STAP1: variants seen among roughly 807,000 people sequenced by gnomAD.
STAP1 encodes signal transducing adaptor family member 1.
In STAP1, 30 loss-of-function variants were observed where a neutral mutation model predicts 37.8. The observed-to-expected ratio is 0.79, with a 90% confidence interval of 0.59 to 1.08. The LOEUF is 1.08. Ranked by LOEUF, STAP1 falls within the 50% of genes least tolerant of loss-of-function variation. STAP1 has a pLI of 0.00. For missense variants in STAP1, 357 were observed against 349.4 expected (o/e 1.02, Z -0.17); for synonymous variants, 130 against 116.0 (o/e 1.12, Z -0.78).
At chr4:67,601,142 T>C (rs897930476) in intron 8 of STAP1, among the ~76,000 whole-genome samples, 8 of 152,204 alleles carry the variant, frequency 5.3e-5, no homozygotes, top group African/African-American at 1.9e-4. Context: ...TGTAGGTTTT[T>C]TAAATTTGAA....
chr4:67,605,956 T>G (rs1030191921), intron 8 of STAP1, among the ~76,000 whole-genome samples: 2 of 152,114 alleles, frequency 1.3e-5, no homozygotes, highest in Non-Finnish European at 2.9e-5. Context: ...AGCATTTGGC[T>G]CTCTCTTACA....
chr4:67,581,796 A>G (rs1219978785), intron 5 of STAP1, among the ~76,000 whole-genome samples: 2 of 152,238 alleles, frequency 1.3e-5, no homozygotes, highest in Non-Finnish European at 2.9e-5. Context: ...TGCAAACTCT[A>G]TGATTGACTG....
rs746232810 is a variant in STAP1, at chr4:67,590,847, A to G, written c.660-37A>G. ...CTTTAGTTTGCATTTACCCAATTGT[A>G]TAATAAAATGGAGACTAACCATTTG... On this transcript the variant is annotated intron_variant, in intron 6 of 8. Transcript: ENST00000265404. 2.7e-6 allele frequency: 4 copies of G among 1,484,002 alleles called. No individual in the cohort carries two copies. In the African/African-American group the frequency reaches 5.7e-5, roughly 21 times the overall value. The allele number at this position is 1,484,002 out of a possible 1,614,324, so 91.9% of individuals were successfully genotyped here. A position where few individuals can be genotyped will look rare whatever the true frequency, so the allele number is the denominator to read the frequency against.
Position 67,602,199 on chromosome 4 carries a change from TA to T in STAP1, c.827-4096del, listed in dbSNP as rs1476608872. The stretch of plus-strand genomic sequence containing the variant: ...GAATTTCTGCTTGACTTTAAAAAAT[TA>T]TTTCAATCTCTTTGTTAAATTATGT... On this transcript the variant is annotated intron_variant, in intron 8 of 8. Coordinates refer to ENST00000265404, the MANE Select transcript of STAP1 (RefSeq NM_012108.4). Among the ~76,000 whole-genome samples the T allele has an allele frequency of 1.3e-5, 2 of 152,048 alleles. 1 individual carries two copies. The highest frequency in any genetic ancestry group is 4.8e-5 in the African/African-American group (2 of 41,400).
intron 2 of STAP1, among the ~76,000 whole-genome samples, chr4:67,574,653 G>A (rs148676921): frequency 1.3e-5 from 2 of 152,216 alleles, no homozygotes; most frequent in East Asian, 3.9e-4. Flanking sequence ...TCTGGATGAT[G>A]GGCCAAATCT....
At chr4:67,580,550 A>T (rs1262127645) in intron 4 of STAP1, among the ~76,000 whole-genome samples, 1 of 152,240 alleles carries the variant, frequency 6.6e-6, no homozygotes, top group African/African-American at 2.4e-5. Context: ...GATAAAGGTG[A>T]TAATCACACA....
intron 8 of STAP1, among the ~76,000 whole-genome samples, chr4:67,605,658 C>T (rs937573884): frequency 6.6e-6 from 1 of 152,084 alleles, no homozygotes; most frequent in Non-Finnish European, 1.5e-5. Flanking sequence ...TGGAAAAGTA[C>T]ATGACAATGA....
intron 6 of STAP1, among the ~76,000 whole-genome samples, chr4:67,584,091 C>T (rs1442065925): frequency 1.1e-5 from 1 of 87,776 alleles, no homozygotes; most frequent in Non-Finnish European, 2.1e-5. Context: ...GAGTGAGACT[C>T]GGTCTCGAAA....
At chr4:67,603,173 C>A (rs1379635300) in intron 8 of STAP1, among the ~76,000 whole-genome samples, 1 of 152,038 alleles carries the variant, frequency 6.6e-6, no homozygotes, top group Non-Finnish European at 1.5e-5. Context: ...AGTCCTGTGG[C>A]AAGTACTGCC....
intron 6 of STAP1, among the ~76,000 whole-genome samples, chr4:67,588,849 A>G (rs1728058708): frequency 6.6e-6 from 1 of 152,236 alleles, no homozygotes; most frequent in African/African-American, 2.4e-5. Flanking sequence ...CATGTTTTAC[A>G]AATGAAGAGG....
intron 8 of STAP1, 51 bp downstream of exon 8, chr4:67,593,407 C>A: frequency 7.5e-7 from 1 of 1,341,360 alleles, no homozygotes; most frequent in Non-Finnish European, 1.0e-6. Flanking sequence ...CAAAACAAAA[C>A]AAAATCCCCA....
At chr4:67,563,609 G>GGGA (rs1382467717) in intron 1 of STAP1, among the ~76,000 whole-genome samples, 1 of 152,132 alleles carries the variant, frequency 6.6e-6, no homozygotes, top group Non-Finnish European at 1.5e-5. Flanking sequence ...AGGCTGAAGT[G>GGGA]GGAGGATCAC....
rs1209811915 is a variant in STAP1, at chr4:67,584,853, A to G, written c.659+1151A>G. ...GGACAAGGGTTTTACTTTGAATGAC[A>G]TGAGAGGCCACTGAACTGTTGTCAT... On this transcript the variant is annotated intron_variant, in intron 6 of 8. Coordinates refer to ENST00000265404, the MANE Select transcript of STAP1 (RefSeq NM_012108.4). Among the ~76,000 whole-genome samples the G allele has an allele frequency of 3.9e-5, 6 of 152,330 alleles. No homozygotes were observed. The East Asian group carries it at 9.6e-4, about 24-fold the overall frequency.
intron 3 of STAP1, among the ~76,000 whole-genome samples, chr4:67,576,383 A>G (rs890097529): frequency 5.3e-5 from 8 of 151,868 alleles, no homozygotes; most frequent in South Asian, 2.1e-4. Flanking sequence ...TTCGTTCCCT[A>G]ATATAAACCA....
rs1727912009 is a variant in STAP1, at chr4:67,583,575, T to A, written c.532T>A (p.Cys178Ser). Reference sequence around the variant, plus strand: ...TGTTTTTTTATCTCACCTCTGTAGATGTTTTTATACAGTGTCCCGGAAAGA... The same window carrying A: ...TGTTTTTTTATCTCACCTCTGTAGAAGTTTTTATACAGTGTCCCGGAAAGA... The part of the protein sequence containing the change: ...YVDVLNPMPA[C>S]FYTVSRKEAT... Residue 178 changes from cysteine to serine, a missense_variant and splice_region_variant, in exon 6 of 9, where the codon TGT becomes AGT. Cys to Ser is a moderately radical substitution (Grantham distance 112). Coordinates refer to ENST00000265404, the MANE Select transcript of STAP1 (RefSeq NM_012108.4). 6.2e-7 allele frequency: 1 copy of A among 1,605,166 alleles called. No individual in the cohort carries two copies. Among genetic ancestry groups the A allele is most frequent in the South Asian group, 1.1e-5 (1 of 88,944 alleles).
chr4:67,606,576 ACCT>A lies in STAP1; in HGVS notation c.*220_*222del. The A allele has an allele frequency of 2.2e-6, 1 of 460,744 alleles. No homozygotes were observed. The highest frequency in any genetic ancestry group is 3.8e-6 in the Non-Finnish European group (1 of 261,946). The allele number at this position is 460,744 out of a possible 1,614,324, so 28.5% of individuals were successfully genotyped here. ...ACTAGAGACTACGGCTGTGGTGGTA[ACCT>A]GCAGATATACACATTCCCATGCACT... is the stretch of plus-strand genomic sequence containing the variant. On this transcript the variant is annotated 3_prime_UTR_variant, in exon 9 of 9. Transcript: ENST00000265404.
intron 1 of STAP1, among the ~76,000 whole-genome samples, chr4:67,564,242 GC>G (rs1727415919): frequency 6.6e-6 from 1 of 152,142 alleles, no homozygotes; most frequent in African/African-American, 2.4e-5. Context: ...CTCCAGGGCT[GC>G]CTTTGCTTTC....
rs144789207 is a variant in STAP1, at chr4:67,591,277, A to C, written c.729+324A>C. On this transcript the variant is annotated intron_variant, in intron 7 of 8. Coordinates refer to ENST00000265404, the MANE Select transcript of STAP1 (RefSeq NM_012108.4). Reference sequence around the variant, plus strand: ...TTATTTCTAATGGGAAGAAATCTGTAAATGCCTAATCCTCTAATACCTGTC... The same window carrying C: ...TTATTTCTAATGGGAAGAAATCTGTCAATGCCTAATCCTCTAATACCTGTC... Among the ~76,000 whole-genome samples the C allele has an allele frequency of 5.0e-3, 763 of 152,352 alleles. 7 individuals are homozygous for C. Among genetic ancestry groups the C allele is most frequent in the African/African-American group, 0.018 (743 of 41,580 alleles).
intron 5 of STAP1, 95 bp downstream of exon 5, chr4:67,581,566 G>A: frequency 3.7e-6 from 5 of 1,369,352 alleles, no homozygotes; most frequent in South Asian, 1.5e-5. Flanking sequence ...GTTAAGCCAG[G>A]GACAATAAGC....
Sources: allele counts gnomAD v4.1 joint callset (sites outside exome capture counted in the v4.1 genomes callset), GRCh38; gene constraint gnomAD v4.1.1; transcripts MANE v1.5; gene names NCBI Gene and HGNC (gene_info 2026-07-23, HGNC 2026-07-21).